The following CSTF1 variants were observed in gnomAD, a reference collection of about 807,000 sequenced individuals.
CSTF1 encodes cleavage stimulation factor subunit 1, also known as CF-1 50 kDa subunit.
Under a neutral mutation model 40.9 loss-of-function variants are expected in CSTF1, and 2 were observed. That is an observed-to-expected ratio of 0.05 (90% confidence interval 0.02 to 0.15). CSTF1 has a LOEUF of 0.15. CSTF1 is among the 10% of genes least tolerant of loss of function. The pLI, the probability that CSTF1 is intolerant of heterozygous loss-of-function variation, is 1.00. For synonymous variants in CSTF1, 218 were observed against 207.2 expected (o/e 1.05, Z -0.45); for missense variants, 279 against 558.9 (o/e 0.50, Z 5.05).
chr20:56,397,546 A>T lies in CSTF1; in HGVS notation c.447+62A>T. ...TGTTTTTCATTTTTGGAAAAATGAG[A>T]GTATGGTTGAAACCAGCTTTAGTTT... is the stretch of plus-strand genomic sequence containing the variant. On this transcript the variant is annotated intron_variant, in intron 3 of 5. Coordinates refer to ENST00000217109, the MANE Select transcript of CSTF1 (RefSeq NM_001324.3). This position sits in a 1 kb window ranked among gnomAD's most constrained non-coding sequence, Gnocchi z 4.4. The T allele has an allele frequency of 6.2e-7, 1 of 1,600,640 alleles. No individual in the cohort carries two copies. Among genetic ancestry groups the T allele is most frequent in the Non-Finnish European group, 8.5e-7 (1 of 1,170,668 alleles).
intron 5 of CSTF1, among the ~76,000 whole-genome samples, chr20:56,401,692 C>T (rs577726515): frequency 4.9e-4 from 75 of 152,282 alleles, no homozygotes; most frequent in African/African-American, 1.7e-3. Context: ...TGTTACGCAT[C>T]CATGGACAAC....
chr20:56,405,882 C>T lies in CSTF1; in HGVS notation c.*2155C>T, dbSNP rs564339720. On this transcript the variant is annotated 3_prime_UTR_variant, in exon 6 of 6. Transcript: ENST00000217109. ...TTCCTTTTGCTTTCAACCTCTTAAA[C>T]TGTAAAGGAGAGATTTAATGTTTCC... 1 of 152,340 alleles carries T rather than the reference C, an allele frequency of 6.6e-6. No individual in the cohort carries two copies. Among genetic ancestry groups the T allele is most frequent in the South Asian group, 2.1e-4 (1 of 4,834 alleles). 9.4% of individuals were successfully genotyped at this position (152,340 alleles called of 1,614,324 possible). A position where few individuals can be genotyped will look rare whatever the true frequency, so the allele number is the denominator to read the frequency against.
chr20:56,403,758 G>A lies in CSTF1; in HGVS notation c.*31G>A. On this transcript the variant is annotated 3_prime_UTR_variant, in exon 6 of 6. Transcript: ENST00000217109. Reference sequence around the variant, plus strand: ...CCTCTCCGTAGGGTTCTTTCTCGAGGACTCTACCCTCCTCCCCCACGTCCT... The same window carrying A: ...CCTCTCCGTAGGGTTCTTTCTCGAGAACTCTACCCTCCTCCCCCACGTCCT... 2 of 1,583,220 alleles carry A rather than the reference G, an allele frequency of 1.3e-6. No individual in the cohort carries two copies. Among genetic ancestry groups the A allele is most frequent in the Non-Finnish European group, 1.7e-6 (2 of 1,159,402 alleles).
intron 5 of CSTF1, among the ~76,000 whole-genome samples, chr20:56,402,972 A>G (rs563596696): frequency 6.6e-6 from 1 of 152,202 alleles, no homozygotes; most frequent in Admixed American, 6.5e-5. Context: ...AGAATTGTTA[A>G]ATAAGTAATG....
Position 56,393,170 on chromosome 20 carries a change from A to ATGTGTG in CSTF1, c.-33+471_-33+476dup, listed in dbSNP as rs11473393. Reference sequence around the variant, plus strand: ...CATATACATATATATACACACACATATGTGTGTGTGTGTGTGTGTATGTAC... The same window carrying ATGTGTG: ...CATATACATATATATACACACACATATGTGTGTGTGTGTGTGTGTGTGTGTATGTAC... On this transcript the variant is annotated intron_variant, in intron 1 of 5. Coordinates refer to ENST00000217109, the MANE Select transcript of CSTF1 (RefSeq NM_001324.3). Among the ~76,000 whole-genome samples the ATGTGTG allele has an allele frequency of 1.9e-3, 256 of 132,138 alleles. 2 individuals are homozygous for ATGTGTG. Among genetic ancestry groups the ATGTGTG allele is most frequent in the African/African-American group, 6.0e-3 (240 of 39,878 alleles). 86.7% of individuals were successfully genotyped at this position (132,138 alleles called of 152,430 possible).
chr20:56,395,829 C>T lies in CSTF1; in HGVS notation c.169+108C>T, dbSNP rs982910517. 5.1e-6 allele frequency: 6 copies of T among 1,186,370 alleles called. No homozygotes were observed. In the Admixed American group the frequency reaches 1.5e-4, roughly 29 times the overall value. 73.5% of individuals were successfully genotyped at this position (1,186,370 alleles called of 1,614,324 possible). A position where few individuals can be genotyped will look rare whatever the true frequency, so the allele number is the denominator to read the frequency against. On this transcript the variant is annotated intron_variant, in intron 2 of 5. Transcript: ENST00000217109. ...GTTTTGTTTCAGTACCTAGTATGAG[C>T]CGGGTACTTCAGTAAGTAAGTAGTT...
Position 56,403,452 on chromosome 20 carries a change from T to C in CSTF1, c.1037-16T>C. 3 of 1,613,814 alleles carry C rather than the reference T, an allele frequency of 1.9e-6. No individual in the cohort carries two copies. The highest frequency in any genetic ancestry group is 2.5e-6 in the Non-Finnish European group (3 of 1,179,730). On this transcript the variant is annotated splice_polypyrimidine_tract_variant and intron_variant, in intron 5 of 5. Transcript: ENST00000217109. ...ATGTGGACTTAGAAAGCTATCCCTC[T>C]TGCTCTCTGTGGCAGGCGCGGGTTT... is the stretch of plus-strand genomic sequence containing the variant.
At position 56,403,357 on chromosome 20, in the gene CSTF1, A is replaced by C. The variant is rs1452482206; in HGVS notation, c.1037-111A>C. On this transcript the variant is annotated intron_variant, in intron 5 of 5. Coordinates refer to ENST00000217109, the MANE Select transcript of CSTF1 (RefSeq NM_001324.3). ...ACTTTTTTAGAGTTTCTGAAAGTGT[A>C]CAAGGTGTATCACTGCAACAGGTTT... The C allele has an allele frequency of 4.0e-6, 5 of 1,257,614 alleles. No homozygotes were observed. The East Asian group carries it at 9.3e-5, about 24-fold the overall frequency. The allele number at this position is 1,257,614 out of a possible 1,614,324, so 77.9% of individuals were successfully genotyped here. A position where few individuals can be genotyped will look rare whatever the true frequency, so the allele number is the denominator to read the frequency against.
At chr20:56,402,001 C>G (rs894366450) in intron 5 of CSTF1, among the ~76,000 whole-genome samples, 6 of 152,126 alleles carry the variant, frequency 3.9e-5, no homozygotes, top group African/African-American at 1.4e-4. Context: ...GACAAATGCT[C>G]TGACTTAAAG....
At position 56,397,895 on chromosome 20, in the gene CSTF1, T is replaced by C. The variant is rs1987564464; in HGVS notation, c.645+54T>C. On this transcript the variant is annotated intron_variant, in intron 4 of 5. Coordinates refer to ENST00000217109, the MANE Select transcript of CSTF1 (RefSeq NM_001324.3). The surrounding 1 kb of genome is among the most constrained non-coding windows in gnomAD (Gnocchi z 4.4). ...TTTTTTCTTAAATACAATGAGCTATTGTACAACTATTCTCTTTTTAAAAGT... is the reference window on the plus strand; with the variant it reads ...TTTTTTCTTAAATACAATGAGCTATCGTACAACTATTCTCTTTTTAAAAGT... 1 of 1,356,786 alleles carries C rather than the reference T, an allele frequency of 7.4e-7. No homozygotes were observed. 84.0% of individuals were successfully genotyped at this position (1,356,786 alleles called of 1,614,324 possible). A position where few individuals can be genotyped will look rare whatever the true frequency, so the allele number is the denominator to read the frequency against.
chr20:56,399,717 T>C lies in CSTF1; in HGVS notation c.1036+360T>C, dbSNP rs1159680499. 1.3e-5 allele frequency among the ~76,000 whole-genome samples: 2 copies of C among 152,212 alleles called. No individual in the cohort carries two copies. The highest frequency in any genetic ancestry group is 4.8e-5 in the African/African-American group (2 of 41,450). The stretch of plus-strand genomic sequence containing the variant: ...AAGTTTCCAATAGTAGATCTCAGTA[T>C]TATTAATATATGTATTCATGAAAGA... On this transcript the variant is annotated intron_variant, in intron 5 of 5. Transcript: ENST00000217109. This position sits in a 1 kb window ranked among gnomAD's most constrained non-coding sequence, Gnocchi z 4.6.
intron 5 of CSTF1, among the ~76,000 whole-genome samples, chr20:56,402,958 CAAAA>C (rs765258311): frequency 6.7e-6 from 1 of 149,824 alleles, no homozygotes. Flanking sequence ...AGATCACACA[CAAAA>C]GAATTGTTAA....
At chr20:56,393,027 C>G (rs1987328279) in intron 1 of CSTF1, among the ~76,000 whole-genome samples, 1 of 152,060 alleles carries the variant, frequency 6.6e-6, no homozygotes, top group South Asian at 2.1e-4. Context: ...TCCTCGTGTG[C>G]TCACCTGCAA....
In CSTF1 at chr20:56,399,859, C is replaced by G. The variant is rs1978379422; in HGVS notation, c.1036+502C>G. Among the ~76,000 whole-genome samples the G allele has an allele frequency of 6.6e-6, 1 of 152,214 alleles. No individual in the cohort carries two copies. Among genetic ancestry groups the G allele is most frequent in the South Asian group, 2.1e-4 (1 of 4,832 alleles). On this transcript the variant is annotated intron_variant, in intron 5 of 5. Coordinates refer to ENST00000217109, the MANE Select transcript of CSTF1 (RefSeq NM_001324.3). This position sits in a 1 kb window ranked among gnomAD's most constrained non-coding sequence, Gnocchi z 4.6. ...AGGCTCAGCAGACAGAAAAAAATTG[C>G]ATCCACTGAATTCTCATTTATGTAT...
In CSTF1 at chr20:56,404,759, C is replaced by T. The variant is rs1978632047; in HGVS notation, c.*1032C>T. 1 of 148,210 alleles carries T rather than the reference C, an allele frequency of 6.7e-6. No individual in the cohort carries two copies. Among genetic ancestry groups the T allele is most frequent in the Admixed American group, 6.8e-5 (1 of 14,746 alleles). The allele number at this position is 148,210 out of a possible 1,614,324, so 9.2% of individuals were successfully genotyped here. A position where few individuals can be genotyped will look rare whatever the true frequency, so the allele number is the denominator to read the frequency against. On this transcript the variant is annotated 3_prime_UTR_variant, in exon 6 of 6. Transcript: ENST00000217109. ...CTCCTGGTTTCACACCATTTTCCTGCCTCAGCCTCCCAAGTAGCTGGGACT... is the reference window on the plus strand; with the variant it reads ...CTCCTGGTTTCACACCATTTTCCTGTCTCAGCCTCCCAAGTAGCTGGGACT...
chr20:56,398,915 G>T, intron 4 of CSTF1, 52 bp from the exon 5 acceptor site: 1 of 1,469,922 alleles, frequency 6.8e-7, no homozygotes, highest in Non-Finnish European at 9.2e-7. Context: ...ATTTCCTCTG[G>T]ATTTAATTGT....
chr20:56,394,223 C>T (rs556684931), intron 1 of CSTF1, among the ~76,000 whole-genome samples: 5 of 152,222 alleles, frequency 3.3e-5, no homozygotes, highest in Non-Finnish European at 7.3e-5. Context: ...ATGACGGTAT[C>T]TGGCATGCAG....
chr20:56,398,742 C>T (rs1393619910), intron 4 of CSTF1, among the ~76,000 whole-genome samples: 2 of 152,180 alleles, frequency 1.3e-5, no homozygotes, highest in African/African-American at 4.8e-5. Flanking sequence ...ATGAAGCTCA[C>T]TTCTGTAGTT....
intron 1 of CSTF1, among the ~76,000 whole-genome samples, chr20:56,394,455 C>T (rs1381190944): frequency 2.0e-5 from 3 of 152,158 alleles, no homozygotes; most frequent in Non-Finnish European, 2.9e-5. Context: ...GGTGTGGTGG[C>T]GGGCGCCTGT....
Sources: allele counts gnomAD v4.1 joint callset (sites outside exome capture counted in the v4.1 genomes callset), GRCh38; gene constraint gnomAD v4.1.1; non-coding constraint Gnocchi (gnomAD v3.1); transcripts MANE v1.5; gene names NCBI Gene and HGNC (gene_info 2026-07-23, HGNC 2026-07-21).